Variants in SGCZ observed in about 807,000 individuals in gnomAD.
The protein encoded by SGCZ is zeta-sarcoglycan.
A neutral mutation model predicts 41.3 loss-of-function variants in SGCZ; 40 were observed. That is an observed-to-expected ratio of 0.97 (90% CI 0.75 to 1.26). The LOEUF (loss-of-function observed/expected upper bound fraction) is 1.26, where lower values mean the gene tolerates loss of function less well. Among genes scored for constraint, SGCZ ranks in the 50% most tolerant of loss-of-function variants. SGCZ has a pLI of 0.00. For synonymous variants in SGCZ, 206 were observed against 137.5 expected (o/e 1.50, Z -3.49); for missense variants, 552 against 369.8 (o/e 1.49, Z -4.04).
chr8:14,279,898 T>C (rs139617910), intron 3 of SGCZ, among the ~76,000 whole-genome samples: 1 of 152,010 alleles, frequency 6.6e-6, no homozygotes, highest in East Asian at 1.9e-4. Context: ...TGAAAAGTCA[T>C]CCTCTGACTT....
rs1598182 is a variant in SGCZ, at chr8:15,168,121, T to G, written c.39+69464A>C. Among the ~76,000 whole-genome samples, 11 of 152,140 alleles carry G rather than the reference T, an allele frequency of 7.2e-5. No homozygotes were observed. The East Asian group carries it at 1.9e-3, about 27-fold the overall frequency. On this transcript the variant is annotated intron_variant, in intron 1 of 7. Coordinates refer to ENST00000382080, the MANE Select transcript of SGCZ (RefSeq NM_139167.4). Reference sequence around the variant, plus strand: ...AATTTCACAATTTCACCTTAGCATTTGGCTTATGTTAAGGAATCCATGCGA... The same window carrying G: ...AATTTCACAATTTCACCTTAGCATTGGGCTTATGTTAAGGAATCCATGCGA...
At chr8:14,345,782 G>C (rs1209859742) in intron 2 of SGCZ, among the ~76,000 whole-genome samples, 1 of 152,090 alleles carries the variant, frequency 6.6e-6, no homozygotes, top group South Asian at 2.1e-4. Context: ...AATAGCTATT[G>C]CAGTCCTAGA....
chr8:14,495,352 C>T, intron 2 of SGCZ, among the ~76,000 whole-genome samples: 1 of 152,134 alleles, frequency 6.6e-6, no homozygotes, highest in South Asian at 2.1e-4. Flanking sequence ...AATATGTCTG[C>T]TGAATAAATT....
At chr8:15,097,800 GTATA>G (rs10524070) in intron 1 of SGCZ, among the ~76,000 whole-genome samples, 2 of 125,006 alleles carry the variant, frequency 1.6e-5, no homozygotes, top group African/African-American at 3.3e-5. Flanking sequence ...ATATATACGT[GTATA>G]TATATATATA....
At chr8:15,193,408 T>C (rs1800605472) in intron 1 of SGCZ, among the ~76,000 whole-genome samples, 1 of 152,110 alleles carries the variant, frequency 6.6e-6, no homozygotes, top group Non-Finnish European at 1.5e-5. Context: ...TTTAATATCC[T>C]TTGAGTATTT....
At chr8:14,216,852 C>G (rs938304665) in intron 4 of SGCZ, among the ~76,000 whole-genome samples, 2 of 152,088 alleles carry the variant, frequency 1.3e-5, no homozygotes, top group African/African-American at 4.8e-5. Context: ...TAAGTCCTAA[C>G]ATTGTATTCA....
chr8:14,992,419 T>C, intron 1 of SGCZ, among the ~76,000 whole-genome samples: 1 of 144,258 alleles, frequency 6.9e-6, no homozygotes. Context: ...ACTCCAAAAC[T>C]AATGTTGGCA....
At chr8:14,241,017 A>G (rs79079603) in intron 3 of SGCZ, among the ~76,000 whole-genome samples, 43,089 of 151,988 alleles carry the variant, frequency 0.28, 6,562 homozygotes, top group Non-Finnish European at 0.35. Context: ...TCTTAAAAAC[A>G]AAAAAAGAAA....
At chr8:14,782,377 C>CTGTTT (rs1332812433) in intron 1 of SGCZ, among the ~76,000 whole-genome samples, 1 of 152,136 alleles carries the variant, frequency 6.6e-6, no homozygotes, top group Non-Finnish European at 1.5e-5. Flanking sequence ...ATGTAAGCTT[C>CTGTTT]TGTTTTGTTT....
intron 3 of SGCZ, among the ~76,000 whole-genome samples, chr8:14,270,215 C>A (rs945406442): frequency 2.0e-5 from 3 of 151,938 alleles, no homozygotes; most frequent in Admixed American, 2.0e-4. Flanking sequence ...GTCTGTAATC[C>A]CAGCTACTAG....
intron 1 of SGCZ, among the ~76,000 whole-genome samples, chr8:14,742,402 T>C (rs1799220749): frequency 6.6e-6 from 1 of 152,056 alleles, no homozygotes; most frequent in Non-Finnish European, 1.5e-5. Flanking sequence ...ATTGTGCACA[T>C]TGCCTTTTCT....
intron 5 of SGCZ, among the ~76,000 whole-genome samples, chr8:14,120,728 G>A (rs1044584055): frequency 6.6e-6 from 1 of 152,054 alleles, no homozygotes; most frequent in Admixed American, 6.6e-5. Flanking sequence ...CATGTTCTGT[G>A]AGACTGCTAC....
chr8:14,412,495 T>C (rs117002663), intron 2 of SGCZ, among the ~76,000 whole-genome samples: 32 of 152,262 alleles, frequency 2.1e-4, no homozygotes, highest in Middle Eastern at 3.4e-3. Context: ...AATCTCAGCA[T>C]AAATGCTGCC....
intron 1 of SGCZ, among the ~76,000 whole-genome samples, chr8:14,969,029 ACTAAT>A (rs1455652387): frequency 6.6e-6 from 1 of 152,126 alleles, no homozygotes; most frequent in Non-Finnish European, 1.5e-5. Context: ...TGCTACTAAT[ACTAAT>A]CTATTTTTTG....
intron 7 of SGCZ, among the ~76,000 whole-genome samples, chr8:14,092,800 C>G (rs1331639618): frequency 6.6e-6 from 1 of 152,032 alleles, no homozygotes; most frequent in East Asian, 1.9e-4. Flanking sequence ...TTATAAATTA[C>G]CCAGTCTCGG....
intron 2 of SGCZ, among the ~76,000 whole-genome samples, chr8:14,451,354 A>C (rs1368362162): frequency 6.6e-6 from 1 of 152,226 alleles, no homozygotes; most frequent in Non-Finnish European, 1.5e-5. Flanking sequence ...ATCTATTGTT[A>C]GCAGTGAAAT....
intron 1 of SGCZ, among the ~76,000 whole-genome samples, chr8:14,916,662 A>C (rs1392003099): frequency 1.3e-5 from 2 of 152,176 alleles, no homozygotes; most frequent in Non-Finnish European, 2.9e-5. Flanking sequence ...AGATTCCATT[A>C]TGTGTGATGG....
intron 1 of SGCZ, among the ~76,000 whole-genome samples, chr8:14,642,370 G>C (rs1229369602): frequency 6.6e-6 from 1 of 151,500 alleles, no homozygotes; most frequent in Admixed American, 6.6e-5. Context: ...CTAAGAGATG[G>C]TCACACCCAT....
chr8:14,443,149 G>A (rs1179630861), intron 2 of SGCZ, among the ~76,000 whole-genome samples: 1 of 152,048 alleles, frequency 6.6e-6, no homozygotes, highest in Non-Finnish European at 1.5e-5. Context: ...CACTGCTCAA[G>A]GAAATAAAAG....
Sources: allele counts gnomAD v4.1 joint callset (sites outside exome capture counted in the v4.1 genomes callset), GRCh38; gene constraint gnomAD v4.1.1; transcripts MANE v1.5; gene names NCBI Gene and HGNC (gene_info 2026-07-23, HGNC 2026-07-21).